ASAP3: variants seen among roughly 807,000 people sequenced by gnomAD.
The protein encoded by ASAP3 is ArfGAP with SH3 domain, ankyrin repeat and PH domain 3, also known as arf-GAP with SH3 domain, ANK repeat and PH domain-containing protein 3.
Under a neutral mutation model 118.2 loss-of-function variants are expected in ASAP3, and 85 were observed. That is an observed-to-expected ratio of 0.72 (90% CI 0.60 to 0.86). The LOEUF (loss-of-function observed/expected upper bound fraction) is 0.86, where lower values mean the gene tolerates loss of function less well. Ranked by LOEUF, ASAP3 falls within the 40% of genes least tolerant of loss-of-function variation. The pLI is 0.00. For missense variants in ASAP3, 1,026 were observed against 1,175.0 expected, an observed-to-expected ratio of 0.87 and a Z score of 1.85; for synonymous variants, 432 against 477.4, an observed-to-expected ratio of 0.90 and a Z score of 1.24.
intron 1 of ASAP3, among the ~76,000 whole-genome samples, chr1:23,478,240 G>A (rs1454126246): frequency 2.0e-5 from 3 of 152,228 alleles, no homozygotes; most frequent in East Asian, 1.9e-4. Flanking sequence ...CGAGGTGGGT[G>A]GATCACCTGA....
At chr1:23,465,505 TC>T (rs1641737459) in intron 1 of ASAP3, among the ~76,000 whole-genome samples, 1 of 151,914 alleles carries the variant, frequency 6.6e-6, no homozygotes, top group Non-Finnish European at 1.5e-5. Flanking sequence ...TTTTTTTCTT[TC>T]TTTTTTTTTG....
chr1:23,480,966 T>G (rs1642287398), intron 1 of ASAP3, among the ~76,000 whole-genome samples: 2 of 152,156 alleles, frequency 1.3e-5, no homozygotes, highest in Non-Finnish European at 2.9e-5. Flanking sequence ...GAGATCCATT[T>G]TAAGGATAAA....
intron 5 of ASAP3, among the ~76,000 whole-genome samples, chr1:23,445,242 C>G (rs1296019862): frequency 2.0e-4 from 30 of 152,142 alleles, no homozygotes; most frequent in Admixed American, 2.0e-3. Context: ...GTAATCCCAG[C>G]ACTTTGTGAG....
At chr1:23,483,493 G>A (rs1642378360) in intron 1 of ASAP3, among the ~76,000 whole-genome samples, 1 of 152,134 alleles carries the variant, frequency 6.6e-6, no homozygotes, top group Non-Finnish European at 1.5e-5. Flanking sequence ...CCCGGCCAAG[G>A]TGAACCCCGG....
chr1:23,465,518 G>A (rs568970446), intron 1 of ASAP3, among the ~76,000 whole-genome samples: 2 of 151,262 alleles, frequency 1.3e-5, no homozygotes, highest in East Asian at 1.9e-4. Context: ...TTTTTTTTGG[G>A]GGGGGGATAG....
At chr1:23,433,734 G>T in intron 19 of ASAP3, 41 bp from the exon 20 acceptor site, 1 of 1,612,496 alleles carries the variant, frequency 6.2e-7, no homozygotes, top group Non-Finnish European at 8.5e-7. Context: ...CATAGTCAAA[G>T]AAACATTACA....
At chr1:23,463,121 C>G (rs1425497664) in intron 1 of ASAP3, among the ~76,000 whole-genome samples, 1 of 152,148 alleles carries the variant, frequency 6.6e-6, no homozygotes, top group Non-Finnish European at 1.5e-5. Context: ...TTCATTTCAA[C>G]AAGCATTTCT....
chr1:23,471,843 C>G (rs776103745), intron 1 of ASAP3, among the ~76,000 whole-genome samples: 1 of 152,212 alleles, frequency 6.6e-6, no homozygotes, highest in Non-Finnish European at 1.5e-5. Context: ...AATAACTGGA[C>G]AGGCCCTGTG....
chr1:23,431,194 T>C, intron 23 of ASAP3, 69 bp from the exon 24 acceptor site: 7 of 1,492,570 alleles, frequency 4.7e-6, no homozygotes, highest in Non-Finnish European at 6.4e-6. Flanking sequence ...GAGAAAGGGC[T>C]CAGGAACAGA....
In ASAP3 at chr1:23,434,520, G is replaced by A; in HGVS notation, c.1835+13C>T. 6.2e-7 allele frequency: 1 copy of A among 1,614,022 alleles called. No individual in the cohort carries two copies. The highest frequency in any genetic ancestry group is 8.5e-7 in the Non-Finnish European group (1 of 1,179,934). On this transcript the variant is annotated intron_variant, in intron 18 of 24. Coordinates refer to ENST00000336689, the MANE Select transcript of ASAP3 (RefSeq NM_017707.4). ...GTGTGAGGAGCCAGACAGACAGGCA[G>A]GGAGGCTCTCACCCGTTCTGGATGA... is the stretch of plus-strand genomic sequence containing the variant.
At position 23,431,717 on chromosome 1, in the gene ASAP3, A is replaced by C. The variant is rs905864851; in HGVS notation, c.2525T>G (p.Met842Arg). 6.6e-7 allele frequency: 1 copy of C among 1,522,356 alleles called. No individual in the cohort carries two copies. 94.3% of individuals were successfully genotyped at this position (1,522,356 alleles called of 1,614,324 possible). A position where few individuals can be genotyped will look rare whatever the true frequency, so the allele number is the denominator to read the frequency against. Residue 842 changes from methionine (M) to arginine (R), a missense_variant, in exon 23 of 25, where the codon ATG becomes AGG. Coordinates refer to ENST00000336689, the MANE Select transcript of ASAP3 (RefSeq NM_017707.4). ...SLTSGTTPSE[M>R]YLPVRFSSES... is the part of the protein sequence containing the mutation. The stretch of plus-strand genomic sequence containing the variant: ...CAACCTGAATCTGACGGGGAGGTAC[A>C]TCTCCGAAGGGGTGGTCCCGGATGT...
intron 1 of ASAP3, among the ~76,000 whole-genome samples, chr1:23,473,045 C>T (rs1353383659): frequency 6.6e-6 from 1 of 152,224 alleles, no homozygotes; most frequent in African/African-American, 2.4e-5. Flanking sequence ...TGGCAGAGTC[C>T]TCCCACCCAG....
chr1:23,463,695 A>G (rs1641668532), intron 1 of ASAP3, among the ~76,000 whole-genome samples: 1 of 152,064 alleles, frequency 6.6e-6, no homozygotes, highest in Non-Finnish European at 1.5e-5. Context: ...TCCGTCTCCC[A>G]GGTTCAAATG....
intron 4 of ASAP3, among the ~76,000 whole-genome samples, chr1:23,451,736 C>T (rs1641221957): frequency 6.6e-6 from 1 of 152,136 alleles, no homozygotes; most frequent in African/African-American, 2.4e-5. Flanking sequence ...AGCTAAGGCC[C>T]TCCTCCCAGC....
intron 24 of ASAP3, 67 bp from the exon 25 acceptor site, chr1:23,429,997 C>T: frequency 7.8e-7 from 1 of 1,277,648 alleles, no homozygotes; most frequent in Non-Finnish European, 1.1e-6. Context: ...TCATCTCACT[C>T]AGTTTCACAT....
At chr1:23,446,650 C>A (rs1020455115) in intron 5 of ASAP3, among the ~76,000 whole-genome samples, 14 of 152,102 alleles carry the variant, frequency 9.2e-5, no homozygotes, top group African/African-American at 2.9e-4. Context: ...GTGTTTCAGG[C>A]TGGTCTCGAA....
At chr1:23,477,853 C>T (rs1642183475) in intron 1 of ASAP3, among the ~76,000 whole-genome samples, 2 of 152,108 alleles carry the variant, frequency 1.3e-5, no homozygotes, top group South Asian at 4.2e-4. Context: ...TGCTGGCATT[C>T]AGGCATAAGC....
At chr1:23,459,031 G>A (rs760654646) in intron 1 of ASAP3, among the ~76,000 whole-genome samples, 2 of 151,926 alleles carry the variant, frequency 1.3e-5, no homozygotes, top group African/African-American at 2.4e-5. Flanking sequence ...TTAGCTGGGC[G>A]TGGTGGTGCA....
Position 23,478,474 on chromosome 1 carries a change from A to C in ASAP3, c.129+5531T>G, listed in dbSNP as rs552129904. On this transcript the variant is annotated intron_variant, in intron 1 of 24. Transcript: ENST00000336689. ...GAGTGAAACTCTATCTTAAAAAAAA[A>C]CTCCAGCCAGGTGCAGTGGCTCATG... Among the ~76,000 whole-genome samples the C allele has an allele frequency of 9.4e-5, 14 of 148,932 alleles. No individual in the cohort carries two copies. The South Asian group carries it at 3.0e-3, about 32-fold the overall frequency.
Sources: gnomAD v4.1 joint callset for allele counts (sites outside exome capture counted in the v4.1 genomes callset) on GRCh38, gnomAD v4.1.1 for gene constraint, MANE v1.5 for transcripts, NCBI Gene and HGNC (gene_info 2026-07-23, HGNC 2026-07-21) for gene names.